The following CGREF1 variants were observed in gnomAD, a reference collection of about 807,000 sequenced individuals.
The protein encoded by CGREF1 is cell growth regulator with EF-hand domain 1.
CGREF1 carries 16 observed loss-of-function variants against 17.4 expected under a neutral mutation model. The ratio of observed to expected loss-of-function variants is 0.92; its 90% CI spans 0.62 to 1.40. The LOEUF (loss-of-function observed/expected upper bound fraction) is 1.40. CGREF1 is among the 40% of genes most tolerant of loss of function. The pLI is 0.00. For missense variants in CGREF1, 296 were observed against 376.4 expected (o/e 0.79, Z 1.77); for synonymous variants, 142 against 154.6 (o/e 0.92, Z 0.61).
rs1362176291 is a variant in CGREF1 at position 27,103,268 on chromosome 2, C to T, written c.81-677G>A. On this transcript the variant is annotated intron_variant, in intron 2 of 5. Transcript: ENST00000402394. ...TTCCTGTGGCTGTTTCCCCTTCTAC[C>T]CAGCATACCCATTGCACAGTATTTA... is the stretch of plus-strand genomic sequence containing the variant. Among the ~76,000 whole-genome samples, 4 of 152,286 alleles carry T rather than the reference C, an allele frequency of 2.6e-5. No homozygotes were observed. In the East Asian group the frequency reaches 7.7e-4, roughly 29 times the overall value.
chr2:27,099,475 G>A, downstream of CGREF1: 1 of 1,614,132 alleles, frequency 6.2e-7, no homozygotes, highest in Non-Finnish European at 8.5e-7. Context: ...GGGCCCTGAT[G>A]GCAAATTGCT....
At chr2:27,102,060 C>A in intron 5 of CGREF1, 37 bp downstream of exon 5, 1 of 1,578,850 alleles carries the variant, frequency 6.3e-7, no homozygotes, top group Non-Finnish European at 8.6e-7. Flanking sequence ...AGTGCTGGGT[C>A]TCCTTTATGC....
At chr2:27,106,094 C>T (rs76089806) in intron 1 of CGREF1, among the ~76,000 whole-genome samples, 18 of 152,266 alleles carry the variant, frequency 1.2e-4, no homozygotes, top group South Asian at 4.1e-4. Context: ...AACATGAAAC[C>T]GTCAAAGGGT....
At chr2:27,116,870 A>ATT (rs1671585346) in intron 1 of CGREF1, among the ~76,000 whole-genome samples, 1 of 57,850 alleles carries the variant, frequency 1.7e-5, no homozygotes. Flanking sequence ...GGCCAGGCCT[A>ATT]TTCTCTCTCT....
chr2:27,108,871 T>C (rs1174179129), intron 1 of CGREF1, among the ~76,000 whole-genome samples: 2 of 151,872 alleles, frequency 1.3e-5, no homozygotes, highest in Non-Finnish European at 2.9e-5. Flanking sequence ...CTGGAACTCC[T>C]GGCATGATCA....
chr2:27,111,676 C>G (rs1444290041), intron 1 of CGREF1, among the ~76,000 whole-genome samples: 2 of 152,158 alleles, frequency 1.3e-5, no homozygotes, highest in African/African-American at 4.8e-5. Context: ...AGCTGAGGCC[C>G]GGCGAGAAGT....
chr2:27,111,271 A>G (rs567239415), intron 1 of CGREF1, among the ~76,000 whole-genome samples: 5 of 152,336 alleles, frequency 3.3e-5, no homozygotes, highest in African/African-American at 1.2e-4. Context: ...CCACTAGGTT[A>G]GCTAGATACA....
rs376527324 is a variant in CGREF1, at chr2:27,104,280, C to T, written c.80+7G>A. 1.3e-5 allele frequency: 20 copies of T among 1,552,670 alleles called. No individual in the cohort carries two copies. The highest frequency in any genetic ancestry group is 3.5e-4 in the Middle Eastern group (2 of 5,744). The stretch of plus-strand genomic sequence containing the variant: ...AGCCCTTGGCCCTGCCCTCATAACC[C>T]TGTTACCTTGTGACTCCATCCTTTG... On this transcript the variant is annotated splice_region_variant and intron_variant, in intron 2 of 5. Coordinates refer to ENST00000402394, the MANE Select transcript of CGREF1 (RefSeq NM_006569.6).
downstream of CGREF1, chr2:27,100,544 TTATAATG>T: frequency 1.5e-6 from 2 of 1,290,544 alleles, no homozygotes; most frequent in East Asian, 1.1e-4. Context: ...GGGTAAGGCC[TTATAATG>T]TAAAGAGCAT....
chr2:27,104,261 T>C (rs781630179), intron 2 of CGREF1, 26 bp downstream of exon 2: 6 of 1,527,038 alleles, frequency 3.9e-6, no homozygotes, highest in East Asian at 2.3e-5. Context: ...TCCCAGCCCT[T>C]GGCCCTGCCC....
chr2:27,101,229 A>AT lies in CGREF1; in HGVS notation c.*44dup. The AT allele has an allele frequency of 2.6e-6, 4 of 1,519,134 alleles. No individual in the cohort carries two copies. Among genetic ancestry groups the AT allele is most frequent in the Non-Finnish European group, 3.5e-6 (4 of 1,134,874 alleles). The allele number at this position is 1,519,134 out of a possible 1,614,324, so 94.1% of individuals were successfully genotyped here. A position where few individuals can be genotyped will look rare whatever the true frequency, so the allele number is the denominator to read the frequency against. ...ATTTCCCCTGCCCACTTCAGGGCTT[A>AT]TGTTCTGGCACTGAGACTTCGTGGG... On this transcript the variant is annotated 3_prime_UTR_variant, in exon 6 of 6. Coordinates refer to ENST00000402394, the MANE Select transcript of CGREF1 (RefSeq NM_006569.6).
intron 2 of CGREF1, among the ~76,000 whole-genome samples, chr2:27,103,466 G>T (rs1342397785): frequency 1.3e-5 from 2 of 151,668 alleles, no homozygotes; most frequent in Non-Finnish European, 2.9e-5. Context: ...TCCACCTCCC[G>T]GGTTCAAGCG....
chr2:27,099,943 A>G, downstream of CGREF1: 5 of 1,258,878 alleles, frequency 4.0e-6, no homozygotes, highest in Non-Finnish European at 5.7e-6. Flanking sequence ...GCAGAGCCTC[A>G]GAGCAAATAA....
chr2:27,100,540 G>A (rs777666196), downstream of CGREF1: 1 of 1,290,832 alleles, frequency 7.7e-7, no homozygotes, highest in South Asian at 1.2e-5. Flanking sequence ...GGGTGGGTAA[G>A]GCCTTATAAT....
chr2:27,106,596 G>GA (rs780248056), intron 1 of CGREF1, among the ~76,000 whole-genome samples: 5 of 152,140 alleles, frequency 3.3e-5, no homozygotes, highest in Non-Finnish European at 7.4e-5. Context: ...TAACAAGCCT[G>GA]ATCTAATGTG....
At chr2:27,099,424 G>A, downstream of CGREF1, 1 of 1,613,914 alleles carries the variant, frequency 6.2e-7, no homozygotes, top group Non-Finnish European at 8.5e-7. Context: ...TTGCAGGGCT[G>A]TGCTTGTCTG....
intron 1 of CGREF1, among the ~76,000 whole-genome samples, chr2:27,114,082 T>G (rs1279572837): frequency 7.3e-6 from 1 of 136,350 alleles, no homozygotes; most frequent in Non-Finnish European, 1.6e-5. Flanking sequence ...GCAACCTCCG[T>G]CTCCCAGGTT....
At chr2:27,106,607 GATT>G (rs2148387390) in intron 1 of CGREF1, among the ~76,000 whole-genome samples, 1 of 152,206 alleles carries the variant, frequency 6.6e-6, no homozygotes, top group East Asian at 1.9e-4. Flanking sequence ...ATCTAATGTG[GATT>G]TTTTGTTTTT....
intron 2 of CGREF1, among the ~76,000 whole-genome samples, chr2:27,103,921 C>T (rs1671012257): frequency 1.3e-5 from 2 of 151,982 alleles, no homozygotes; most frequent in South Asian, 4.1e-4. Flanking sequence ...AGGCGGAGCT[C>T]GCAGTGAGCT....
Sources: allele counts gnomAD v4.1 joint callset (sites outside exome capture counted in the v4.1 genomes callset), GRCh38; gene constraint gnomAD v4.1.1; transcripts MANE v1.5; gene names NCBI Gene and HGNC (gene_info 2026-07-23, HGNC 2026-07-21).